CTNNB1: variants seen among roughly 807,000 people sequenced by gnomAD.
The protein encoded by CTNNB1 is catenin beta-1.
Under a neutral mutation model 82.5 loss-of-function variants are expected in CTNNB1, and 6 were observed. That is an observed-to-expected ratio of 0.07 (90% CI 0.04 to 0.14). The LOEUF (loss-of-function observed/expected upper bound fraction) is 0.14, where lower values mean the gene tolerates loss of function less well. Among genes scored for constraint, CTNNB1 ranks in the 10% least tolerant of loss-of-function variants. The pLI, the probability that CTNNB1 is intolerant of heterozygous loss-of-function variation, is 1.00. For synonymous variants in CTNNB1, 312 were observed against 329.7 expected, an observed-to-expected ratio of 0.95 and a Z score of 0.58; for missense variants, 529 against 980.4, an observed-to-expected ratio of 0.54 and a Z score of 6.15.
At chr3:41,215,042 A>G (rs2077881793) in intron 1 of CTNNB1, among the ~76,000 whole-genome samples, 1 of 152,038 alleles carries the variant, frequency 6.6e-6, no homozygotes, top group African/African-American at 2.4e-5. Context: ...TGTTGTTCAT[A>G]AATGAATCTT....
chr3:41,232,877 T>G (rs2125636654), intron 7 of CTNNB1, among the ~76,000 whole-genome samples: 1 of 152,280 alleles, frequency 6.6e-6, no homozygotes, highest in Admixed American at 6.5e-5. Context: ...CCCTTTAATA[T>G]CATCTGACAT....
At chr3:41,226,244 A>C (rs896131056) in intron 6 of CTNNB1, among the ~76,000 whole-genome samples, 1 of 152,176 alleles carries the variant, frequency 6.6e-6, no homozygotes, top group African/African-American at 2.4e-5. Context: ...TTGAGTTTCC[A>C]TATGTAAAGC....
chr3:41,206,261 C>T (rs992645922), intron 1 of CTNNB1, among the ~76,000 whole-genome samples: 1 of 152,078 alleles, frequency 6.6e-6, no homozygotes, highest in Non-Finnish European at 1.5e-5. Flanking sequence ...GTTAATCAGT[C>T]TACATGGCAT....
At chr3:41,205,662 C>G (rs1294511022) in intron 1 of CTNNB1, among the ~76,000 whole-genome samples, 1 of 151,514 alleles carries the variant, frequency 6.6e-6, no homozygotes, top group Admixed American at 6.6e-5. Flanking sequence ...GGCAACAGAG[C>G]GAGACTCCAT....
intron 1 of CTNNB1, among the ~76,000 whole-genome samples, chr3:41,210,602 C>G (rs1213067199): frequency 2.6e-5 from 4 of 152,140 alleles, no homozygotes; most frequent in African/African-American, 9.7e-5. Context: ...GAGCTGCCAC[C>G]TCCTGTGATA....
At chr3:41,224,244 A>C (rs2078120601) in intron 2 of CTNNB1, 163 bp downstream of exon 2, 1 of 887,436 alleles carries the variant, frequency 1.1e-6, no homozygotes, top group Non-Finnish European at 1.9e-6. Flanking sequence ...GTGAAATAGC[A>C]AACAAGCCAC....
At chr3:41,235,330 T>C in intron 10 of CTNNB1, 1 of 242,932 alleles carries the variant, frequency 4.1e-6, no homozygotes, top group South Asian at 5.6e-5. Flanking sequence ...GGCAAAGTTT[T>C]CACCAAATAC....
At chr3:41,235,572 A>T in intron 10 of CTNNB1, 152 bp from the exon 11 acceptor site, 1 of 1,003,994 alleles carries the variant, frequency 1.0e-6, no homozygotes, top group Non-Finnish European at 1.5e-6. Context: ...TTTCAGTGAC[A>T]TTCAAGTTAA....
At chr3:41,209,763 T>C (rs1205816332) in intron 1 of CTNNB1, among the ~76,000 whole-genome samples, 1 of 152,094 alleles carries the variant, frequency 6.6e-6, no homozygotes, top group African/African-American at 2.4e-5. Context: ...CAGTAAAAAA[T>C]ATGGTATCAA....
chr3:41,220,539 A>G (rs963787940), intron 1 of CTNNB1: 8 of 152,198 alleles, frequency 5.3e-5, no homozygotes, highest in Admixed American at 3.3e-4. Flanking sequence ...AGGAAATTGC[A>G]TACATTTTCT....
At chr3:41,217,990 T>G (rs2077953376) in intron 1 of CTNNB1, among the ~76,000 whole-genome samples, 1 of 152,210 alleles carries the variant, frequency 6.6e-6, no homozygotes, top group African/African-American at 2.4e-5. Flanking sequence ...ACACAAATTA[T>G]CTCATGTTTC....
At chr3:41,218,045 T>C (rs1423528446) in intron 1 of CTNNB1, among the ~76,000 whole-genome samples, 1 of 152,200 alleles carries the variant, frequency 6.6e-6, no homozygotes, top group Non-Finnish European at 1.5e-5. Flanking sequence ...AGTTCATCGA[T>C]TGGGCATGGT....
At chr3:41,223,240 A>G (rs1271509675) in intron 1 of CTNNB1, among the ~76,000 whole-genome samples, 1 of 152,178 alleles carries the variant, frequency 6.6e-6, no homozygotes, top group East Asian at 1.9e-4. Flanking sequence ...AAACTGTTCT[A>G]ATTTGCAAGT....
chr3:41,213,357 C>A (rs2077839456), intron 1 of CTNNB1, among the ~76,000 whole-genome samples: 1 of 152,146 alleles, frequency 6.6e-6, no homozygotes, highest in South Asian at 2.1e-4. Flanking sequence ...AGCCTTTGAC[C>A]ACTCTAAGTG....
Position 41,238,038 on chromosome 3 carries a change from T to C in CTNNB1, c.2099T>C (p.Ile700Thr), listed in dbSNP as rs2078481368. 9 of 1,614,058 alleles carry C rather than the reference T, an allele frequency of 5.6e-6. No individual in the cohort carries two copies. Among genetic ancestry groups the C allele is most frequent in the South Asian group, 2.2e-5 (2 of 91,078 alleles). Residue 700 changes from isoleucine to threonine, a missense_variant, in exon 14 of 15, where the codon ATT becomes ACT. This residue lies in a region of CTNNB1 where 102 missense variants were observed against 130.8 expected (regional missense o/e 0.78). Coordinates refer to ENST00000349496, the MANE Select transcript of CTNNB1 (RefSeq NM_001904.4). Reference sequence around the variant, plus strand: ...TAGACTGCTGATCTTGGACTTGATATTGGTGCCCAGGGAGAACCCCTTGGA... The same window carrying C: ...TAGACTGCTGATCTTGGACTTGATACTGGTGCCCAGGGAGAACCCCTTGGA... ...WNETADLGLD[I>T]GAQGEPLGYR...
intron 7 of CTNNB1, among the ~76,000 whole-genome samples, chr3:41,227,562 A>G (rs1182765710): frequency 6.6e-6 from 1 of 152,230 alleles, no homozygotes; most frequent in African/African-American, 2.4e-5. Context: ...TTATCCATCA[A>G]AAATGATGGC....
intron 1 of CTNNB1, among the ~76,000 whole-genome samples, chr3:41,204,954 A>G (rs140210086): frequency 6.6e-6 from 1 of 152,326 alleles, no homozygotes; most frequent in Non-Finnish European, 1.5e-5. Context: ...TAAAAGCAAG[A>G]TTTATATTAT....
intron 6 of CTNNB1, 87 bp from the exon 7 acceptor site, chr3:41,227,121 A>G (rs2078193409): frequency 8.6e-7 from 1 of 1,164,226 alleles, no homozygotes; most frequent in Non-Finnish European, 1.3e-6. Flanking sequence ...AAATTCTTGT[A>G]TAATAAAATA....
chr3:41,238,630 T>C (rs1348813803), intron 14 of CTNNB1, among the ~76,000 whole-genome samples: 2 of 152,226 alleles, frequency 1.3e-5, no homozygotes, highest in Admixed American at 6.5e-5. Flanking sequence ...AGAAATAACA[T>C]GTCAACCCTA....
Sources: gnomAD v4.1 joint callset for allele counts (sites outside exome capture counted in the v4.1 genomes callset) on GRCh38, gnomAD v4.1.1 for gene constraint, gnomAD v4.1.1 regional missense constraint, MANE v1.5 for transcripts, NCBI Gene and HGNC (gene_info 2026-07-23, HGNC 2026-07-21) for gene names.